The following PTPRN2 variants were observed in gnomAD, a reference collection of about 807,000 sequenced individuals.
The protein encoded by PTPRN2 is protein tyrosine phosphatase receptor type N2.
Under a neutral mutation model 118.8 loss-of-function variants are expected in PTPRN2, and 74 were observed. That is an observed-to-expected ratio of 0.62 (90% CI 0.52 to 0.76). The LOEUF is 0.76. Among genes scored for constraint, PTPRN2 ranks in the 30% least tolerant of loss-of-function variants. The probability of loss-of-function intolerance (pLI) is 0.00; values close to 1 mark genes in which losing one functional copy is unlikely to be tolerated. For missense variants in PTPRN2, 1,481 were observed against 1,394.4 expected, an observed-to-expected ratio of 1.06 and a Z score of -0.99; for synonymous variants, 641 against 608.0, an observed-to-expected ratio of 1.05 and a Z score of -0.80.
At chr7:157,646,615 A>G (rs1805090106) in intron 14 of PTPRN2, among the ~76,000 whole-genome samples, 1 of 152,128 alleles carries the variant, frequency 6.6e-6, no homozygotes, top group South Asian at 2.1e-4. Context: ...CACCCAGGGG[A>G]GGCCCTTGCA....
intron 11 of PTPRN2, among the ~76,000 whole-genome samples, chr7:157,957,193 T>C (rs1801240544): frequency 6.6e-6 from 1 of 152,224 alleles, no homozygotes; most frequent in African/African-American, 2.4e-5. Flanking sequence ...AAGGTGACTA[T>C]AAGTCCCCAC....
intron 2 of PTPRN2, among the ~76,000 whole-genome samples, chr7:158,389,083 G>T (rs948509631): frequency 6.6e-6 from 1 of 152,226 alleles, no homozygotes; most frequent in Non-Finnish European, 1.5e-5. Context: ...TGCAGGCAGG[G>T]CAGTGCCTGG....
rs918572532 is a variant in PTPRN2 at position 158,546,866 on chromosome 7, G to A, written c.112+40692C>T. ...AGGGGCTCAGCTTATGGTTAACGCT[G>A]GGGCTGCCTTCATCTCACGCATGCT... On this transcript the variant is annotated intron_variant, in intron 1 of 22. Transcript: ENST00000389418. This position sits in a 1 kb window ranked among gnomAD's most constrained non-coding sequence, Gnocchi z 5.0. Among the ~76,000 whole-genome samples, 12 of 152,216 alleles carry A rather than the reference G, an allele frequency of 7.9e-5. No homozygotes were observed. The highest frequency in any genetic ancestry group is 1.6e-4 in the Non-Finnish European group (11 of 68,034).
chr7:157,879,168 G>A (rs140992624), intron 12 of PTPRN2, among the ~76,000 whole-genome samples: 1,341 of 124,502 alleles, frequency 0.011, 17 homozygotes, highest in African/African-American at 0.039. Flanking sequence ...GTGTGATACC[G>A]TGCACCCACA....
chr7:157,556,345 C>T (rs371137756), intron 21 of PTPRN2, among the ~76,000 whole-genome samples: 59 of 148,544 alleles, frequency 4.0e-4, no homozygotes, highest in African/African-American at 1.3e-3. Flanking sequence ...TCACGTCATA[C>T]ATATGCACAT....
chr7:158,579,509 G>T (rs73512230), intron 1 of PTPRN2, among the ~76,000 whole-genome samples: 2,946 of 152,318 alleles, frequency 0.019, 89 homozygotes, highest in African/African-American at 0.062. Flanking sequence ...TGTAAATCCA[G>T]AGAGATTATA....
chr7:158,005,488 C>A (rs765207035), intron 11 of PTPRN2, among the ~76,000 whole-genome samples: 2 of 152,192 alleles, frequency 1.3e-5, no homozygotes, highest in Non-Finnish European at 2.9e-5. Flanking sequence ...AAGCAAAAGA[C>A]CTAAGCTGGT....
intron 12 of PTPRN2, among the ~76,000 whole-genome samples, chr7:157,767,127 G>A (rs1802531779): frequency 6.6e-6 from 1 of 152,198 alleles, no homozygotes. Context: ...GGCACTTGCA[G>A]TGTAGATGAG....
intron 3 of PTPRN2, among the ~76,000 whole-genome samples, chr7:158,246,638 T>C: frequency 6.6e-6 from 1 of 151,946 alleles, no homozygotes; most frequent in Non-Finnish European, 1.5e-5. Flanking sequence ...TAAAGACTTA[T>C]GCAGAAAGTG....
At chr7:157,660,163 G>A (rs530870576) in intron 13 of PTPRN2, among the ~76,000 whole-genome samples, 6 of 152,204 alleles carry the variant, frequency 3.9e-5, no homozygotes, top group Admixed American at 2.0e-4. Flanking sequence ...GAAAAATAAC[G>A]TCCAACCAAA....
intron 3 of PTPRN2, among the ~76,000 whole-genome samples, chr7:158,282,089 C>T (rs1380517437): frequency 6.6e-6 from 1 of 152,030 alleles, no homozygotes. Context: ...GGATCCTCTC[C>T]TGAGAAGCCC....
intron 2 of PTPRN2, among the ~76,000 whole-genome samples, chr7:158,420,476 C>G (rs1402697459): frequency 6.6e-6 from 1 of 152,252 alleles, no homozygotes; most frequent in African/African-American, 2.4e-5. Flanking sequence ...AGCACACATT[C>G]CTTCTTCTTC....
intron 12 of PTPRN2, among the ~76,000 whole-genome samples, chr7:157,740,060 C>T (rs1429685940): frequency 6.6e-6 from 1 of 152,204 alleles, no homozygotes; most frequent in Non-Finnish European, 1.5e-5. Flanking sequence ...TTTAACTGTA[C>T]ATTATATTGT....
chr7:158,356,977 G>A (rs1192908048), intron 2 of PTPRN2, among the ~76,000 whole-genome samples: 1 of 152,162 alleles, frequency 6.6e-6, no homozygotes, highest in Non-Finnish European at 1.5e-5. Flanking sequence ...GTGCTGGCCG[G>A]GAGAGCGGCC....
intron 2 of PTPRN2, among the ~76,000 whole-genome samples, chr7:158,462,232 C>G (rs1819060098): frequency 6.6e-6 from 1 of 152,178 alleles, no homozygotes; most frequent in Non-Finnish European, 1.5e-5. Flanking sequence ...TTGTTTATCC[C>G]AGGATGTCAC....
chr7:157,727,177 G>A lies in PTPRN2; in HGVS notation c.1789-44240C>T, dbSNP rs144191236. Among the ~76,000 whole-genome samples the A allele has an allele frequency of 3.3e-3, 505 of 152,284 alleles. 3 individuals carry two copies. Among genetic ancestry groups the A allele is most frequent in the African/African-American group, 0.012 (490 of 41,558 alleles). Reference sequence around the variant, plus strand: ...CAGGGTCTTGAAGAGGTATTTGCACGCCAGGTTCACAGCAACTTTATGACA... The same window carrying A: ...CAGGGTCTTGAAGAGGTATTTGCACACCAGGTTCACAGCAACTTTATGACA... On this transcript the variant is annotated intron_variant, in intron 12 of 22. Coordinates refer to ENST00000389418, the MANE Select transcript of PTPRN2 (RefSeq NM_002847.5).
At position 157,603,797 on chromosome 7, in the gene PTPRN2, C is replaced by A. The variant is rs1313503466; in HGVS notation, c.2418+205G>T. Among the ~76,000 whole-genome samples the A allele has an allele frequency of 1.3e-5, 2 of 152,162 alleles. No individual in the cohort carries two copies. The highest frequency in any genetic ancestry group is 2.9e-5 in the Non-Finnish European group (2 of 68,028). On this transcript the variant is annotated intron_variant, in intron 16 of 22. Coordinates refer to ENST00000389418, the MANE Select transcript of PTPRN2 (RefSeq NM_002847.5). This position sits in a 1 kb window ranked among gnomAD's most constrained non-coding sequence, Gnocchi z 5.4. ...ACGGAACCCACCGCCCAGCGTGAGC[C>A]GGGACCCACACGGCTCATAAACAGC...
chr7:158,495,473 G>A (rs1260887523), intron 1 of PTPRN2, among the ~76,000 whole-genome samples: 2 of 152,040 alleles, frequency 1.3e-5, no homozygotes, highest in Non-Finnish European at 2.9e-5. Context: ...ATGAGGATGC[G>A]CCCTGCCCAC....
intron 13 of PTPRN2, among the ~76,000 whole-genome samples, chr7:157,682,040 CGAAGGCCTA>C (rs1796938173): frequency 6.6e-6 from 1 of 152,208 alleles, no homozygotes; most frequent in East Asian, 1.9e-4. Context: ...CTGTTAAAAC[CGAAGGCCTA>C]TGTTCATTAC....
Sources: allele counts gnomAD v4.1 joint callset (sites outside exome capture counted in the v4.1 genomes callset), GRCh38; gene constraint gnomAD v4.1.1; non-coding constraint Gnocchi (gnomAD v3.1); transcripts MANE v1.5; gene names NCBI Gene and HGNC (gene_info 2026-07-23, HGNC 2026-07-21).